DPYS: variants seen among roughly 807,000 people sequenced by gnomAD.
The protein encoded by DPYS is dihydropyrimidine amidohydrolase.
A neutral mutation model predicts 50.3 loss-of-function variants in DPYS; 39 were observed. The observed-to-expected ratio is 0.78, with a 90% CI of 0.60 to 1.01. The LOEUF (loss-of-function observed/expected upper bound fraction) is 1.01, where lower values mean the gene tolerates loss of function less well. Ranked by LOEUF, DPYS falls within the 50% of genes least tolerant of loss-of-function variation. DPYS has a pLI of 0.00. For synonymous variants in DPYS, 245 were observed against 250.7 expected (o/e 0.98, Z 0.22); for missense variants, 659 against 680.9 (o/e 0.97, Z 0.36).
chr8:104,397,074 T>C (rs1346457186), intron 7 of DPYS, among the ~76,000 whole-genome samples: 5 of 152,200 alleles, frequency 3.3e-5, no homozygotes, highest in Admixed American at 3.3e-4. Context: ...GCTGAAGCTG[T>C]AATTCTCCAA....
chr8:104,380,945 G>A (rs1345885166), intron 9 of DPYS: 1 of 448,752 alleles, frequency 2.2e-6, no homozygotes, highest in South Asian at 2.2e-5. Context: ...ATTATCCAAG[G>A]CTGTATTGAA....
intron 7 of DPYS, among the ~76,000 whole-genome samples, chr8:104,401,531 G>A (rs999702196): frequency 1.3e-5 from 2 of 152,048 alleles, no homozygotes; most frequent in Middle Eastern, 3.2e-3. Context: ...GAAAGCATGC[G>A]GTTGATGAAA....
At chr8:104,398,418 T>C (rs1467947732) in intron 7 of DPYS, among the ~76,000 whole-genome samples, 1 of 152,262 alleles carries the variant, frequency 6.6e-6, no homozygotes, top group African/African-American at 2.4e-5. Context: ...CAGTCCTGGC[T>C]GCTCAGCCTC....
chr8:104,426,070 C>T (rs986076491), intron 6 of DPYS, among the ~76,000 whole-genome samples: 2 of 151,968 alleles, frequency 1.3e-5, no homozygotes, highest in Non-Finnish European at 2.9e-5. Flanking sequence ...GAACTTTTAT[C>T]AAGAAAATCT....
chr8:104,385,831 G>A (rs1811195867), intron 8 of DPYS, among the ~76,000 whole-genome samples: 1 of 152,094 alleles, frequency 6.6e-6, no homozygotes, highest in African/African-American at 2.4e-5. Context: ...TTCCTCCATG[G>A]GATGACACAG....
chr8:104,451,299 T>C lies in DPYS; in HGVS notation c.370A>G (p.Lys124Glu), dbSNP rs1399923986. The C allele has an allele frequency of 1.5e-5, 25 of 1,614,038 alleles. No homozygotes were observed. Among genetic ancestry groups the C allele is most frequent in the Non-Finnish European group, 2.0e-5 (24 of 1,180,032 alleles). The change falls in exon 2 of 10, where the codon AAA becomes GAA. Residue 124 changes from lysine to glutamate, a missense_variant. Physicochemically the swap from Lys to Glu is moderately conservative, Grantham distance 56. Transcript: ENST00000351513. ...FETWRSWADP[K>E]VCCDYSLHVA... ...TGAAGGCTGTAGTCGCAGCAAACTT[T>C]GGGATCAGCCCAGCTTCGCCAGGTC...
At position 104,464,750 on chromosome 8, in the gene DPYS, C is replaced by T. The variant is rs144513119; in HGVS notation, c.264+1907G>A. Among the ~76,000 whole-genome samples, 633 of 152,326 alleles carry T rather than the reference C, an allele frequency of 4.2e-3. 6 individuals carry two copies. The highest frequency in any genetic ancestry group is 0.015 in the African/African-American group (609 of 41,570). The stretch of plus-strand genomic sequence containing the variant: ...GGCAATACACCAAAACATTGGCTGT[C>T]ACTGAGAGGGAGAGTATTATTAATG... On this transcript the variant is annotated intron_variant, in intron 1 of 9. Transcript: ENST00000351513.
rs1174020727 is a variant in DPYS, at chr8:104,379,505, C to T, written c.*353G>A. ...AGAGCTATTTTAAAACTAATGTAAC[C>T]ATTTTTTTAAAAAAAGAAACTATTT... On this transcript the variant is annotated 3_prime_UTR_variant, in exon 10 of 10. Transcript: ENST00000351513. The T allele has an allele frequency of 1.2e-5, 2 of 167,914 alleles. No individual in the cohort carries two copies. Among genetic ancestry groups the T allele is most frequent in the African/African-American group, 2.4e-5 (1 of 41,170 alleles). 10.4% of individuals were successfully genotyped at this position (167,914 alleles called of 1,614,324 possible).
At chr8:104,426,620 T>C (rs1384011309) in intron 6 of DPYS, among the ~76,000 whole-genome samples, 1 of 152,162 alleles carries the variant, frequency 6.6e-6, no homozygotes, top group Non-Finnish European at 1.5e-5. Flanking sequence ...GTGTGAGATA[T>C]AATTAATGTG....
intron 7 of DPYS, among the ~76,000 whole-genome samples, chr8:104,394,487 C>G (rs532092085): frequency 6.6e-6 from 1 of 152,204 alleles, no homozygotes; most frequent in East Asian, 1.9e-4. Context: ...GTTCTACCTT[C>G]TCCCAAAATA....
At chr8:104,422,353 C>A (rs1812577043) in intron 7 of DPYS, among the ~76,000 whole-genome samples, 1 of 152,110 alleles carries the variant, frequency 6.6e-6, no homozygotes, top group Admixed American at 6.5e-5. Context: ...TATGAAAAAT[C>A]AAGAAAATTA....
chr8:104,421,801 C>A (rs1812557895), intron 7 of DPYS, among the ~76,000 whole-genome samples: 1 of 152,076 alleles, frequency 6.6e-6, no homozygotes. Flanking sequence ...TAAAAAAAAT[C>A]TACACATCTG....
At chr8:104,423,924 T>G in intron 7 of DPYS, 1 of 935,722 alleles carries the variant, frequency 1.1e-6, no homozygotes, top group South Asian at 4.9e-5. Context: ...AAACTAAGCC[T>G]TTTATTTCCT....
At chr8:104,431,774 T>A (rs1812964833) in intron 4 of DPYS, among the ~76,000 whole-genome samples, 1 of 152,078 alleles carries the variant, frequency 6.6e-6, no homozygotes, top group East Asian at 1.9e-4. Context: ...GATGAAAAAA[T>A]TGATGTTCAA....
At chr8:104,431,561 G>A (rs935642871) in intron 4 of DPYS, among the ~76,000 whole-genome samples, 16 of 151,878 alleles carry the variant, frequency 1.1e-4, no homozygotes, top group Non-Finnish European at 1.9e-4. Context: ...ACTAAAAAGG[G>A]GAAGGAAAAC....
chr8:104,451,132 T>C, intron 2 of DPYS, 114 bp downstream of exon 2: 2 of 1,355,538 alleles, frequency 1.5e-6, no homozygotes, highest in Non-Finnish European at 2.1e-6. Context: ...AAAGTCTTCC[T>C]GCCAGTTCTG....
In DPYS at chr8:104,424,436, G is replaced by A. The variant is rs192507470; in HGVS notation, c.1093-47C>T. 3 of 1,589,158 alleles carry A rather than the reference G, an allele frequency of 1.9e-6. No homozygotes were observed. The Admixed American group carries it at 5.1e-5, about 27-fold the overall frequency. ...CATTCTAATGATCAAATACTAAAAA[G>A]TATCCTATCGATAAAATGACAAGAC... On this transcript the variant is annotated intron_variant, in intron 6 of 9. Coordinates refer to ENST00000351513, the MANE Select transcript of DPYS (RefSeq NM_001385.3).
At chr8:104,437,007 G>A (rs1192276750) in intron 4 of DPYS, among the ~76,000 whole-genome samples, 7 of 152,086 alleles carry the variant, frequency 4.6e-5, no homozygotes, top group Non-Finnish European at 8.8e-5. Flanking sequence ...AAGTTTATTA[G>A]AAGGGCAGGA....
intron 1 of DPYS, among the ~76,000 whole-genome samples, chr8:104,451,855 C>T (rs1189192044): frequency 6.6e-6 from 1 of 152,154 alleles, no homozygotes; most frequent in African/African-American, 2.4e-5. Flanking sequence ...CCGGTCTTGC[C>T]TCCATTCCCA....
Sources: gnomAD v4.1 joint callset for allele counts (sites outside exome capture counted in the v4.1 genomes callset) on GRCh38, gnomAD v4.1.1 for gene constraint, MANE v1.5 for transcripts, NCBI Gene and HGNC (gene_info 2026-07-23, HGNC 2026-07-21) for gene names.